Variants in SERF2 observed in about 807,000 individuals in gnomAD.
SERF2 encodes gastric cancer-related protein VRG107.
A neutral mutation model predicts 10.7 loss-of-function variants in SERF2; 4 were observed. The ratio of observed to expected loss-of-function variants is 0.37; its 90% CI spans 0.18 to 0.86. The LOEUF (loss-of-function observed/expected upper bound fraction) is 0.86. Ranked by LOEUF, SERF2 falls within the 40% of genes least tolerant of loss-of-function variation. SERF2 has a pLI of 0.43. For missense variants in SERF2, 47 were observed against 79.1 expected (o/e 0.59, Z 1.54); for synonymous variants, 26 against 26.0 (o/e 1.00, Z 0.01).
rs1274600415 is a variant in SERF2 at position 43,793,816 on chromosome 15, G to A, written c.*43G>A. The A allele has an allele frequency of 1.9e-6, 3 of 1,613,628 alleles. No homozygotes were observed. Among genetic ancestry groups the A allele is most frequent in the Non-Finnish European group, 2.5e-6 (3 of 1,180,048 alleles). On this transcript the variant is annotated 3_prime_UTR_variant, in exon 3 of 3. Coordinates refer to ENST00000249786, the MANE Select transcript of SERF2 (RefSeq NM_001018108.4). The stretch of plus-strand genomic sequence containing the variant: ...CAACCCTCTTGCCCTTCGCCTGTGT[G>A]CCTGGAGCCAGTCCCACCACGCTCG...
At chr15:43,784,823 G>A (rs528093291) in intron 1 of SERF2, among the ~76,000 whole-genome samples, 10 of 151,634 alleles carry the variant, frequency 6.6e-5, no homozygotes, top group South Asian at 2.1e-4. Flanking sequence ...CTGAATCTTG[G>A]CTCACTGCAA....
chr15:43,794,937 C>G lies in SERF2; in HGVS notation c.*1164C>G. Reference sequence around the variant, plus strand: ...CCTTGAGGTATTGAGCTGGGCTGGACAGCTCCCCTTGAGCCAACTCTAGGA... The same window carrying G: ...CCTTGAGGTATTGAGCTGGGCTGGAGAGCTCCCCTTGAGCCAACTCTAGGA... On this transcript the variant is annotated 3_prime_UTR_variant, in exon 3 of 3. Transcript: ENST00000249786. The G allele has an allele frequency of 7.5e-7, 1 of 1,336,444 alleles. No individual in the cohort carries two copies. The highest frequency in any genetic ancestry group is 2.7e-4 in the Middle Eastern group (1 of 3,738). The allele number at this position is 1,336,444 out of a possible 1,614,324, so 82.8% of individuals were successfully genotyped here. A position where few individuals can be genotyped will look rare whatever the true frequency, so the allele number is the denominator to read the frequency against.
At chr15:43,792,220 C>T (rs960634121), upstream of SERF2, 1 of 694,956 alleles carries the variant, frequency 1.4e-6, no homozygotes. Flanking sequence ...CCCGTGGATC[C>T]ACGTGCTTTT....
At chr15:43,778,627 C>T (rs1334140075) in intron 1 of SERF2, among the ~76,000 whole-genome samples, 8 of 118,352 alleles carry the variant, frequency 6.8e-5, no homozygotes, top group South Asian at 3.1e-4. Context: ...AGGCTGGGTG[C>T]GGTAGCTCAT....
At chr15:43,786,842 A>G (rs1469100030) in intron 2 of SERF2, among the ~76,000 whole-genome samples, 2 of 152,132 alleles carry the variant, frequency 1.3e-5, no homozygotes, top group Non-Finnish European at 2.9e-5. Context: ...TTCCTCATTC[A>G]TGTCAACGGG....
At chr15:43,780,216 T>G (rs368957407) in intron 1 of SERF2, among the ~76,000 whole-genome samples, 2 of 152,172 alleles carry the variant, frequency 1.3e-5, no homozygotes, top group African/African-American at 4.8e-5. Context: ...CTTGGCTCAC[T>G]GCAAGCTCTG....
chr15:43,780,797 A>T (rs1042444597), intron 1 of SERF2, among the ~76,000 whole-genome samples: 3 of 152,158 alleles, frequency 2.0e-5, no homozygotes, highest in Admixed American at 2.0e-4. Flanking sequence ...TTCTGTCTTA[A>T]TTAAGCACTT....
chr15:43,782,169 G>C (rs1010225504), intron 1 of SERF2, among the ~76,000 whole-genome samples: 1 of 152,160 alleles, frequency 6.6e-6, no homozygotes, highest in African/African-American at 2.4e-5. Context: ...GATTACAAGC[G>C]TGAGCCACCA....
chr15:43,781,396 A>C (rs2086962751), intron 1 of SERF2, among the ~76,000 whole-genome samples: 1 of 152,022 alleles, frequency 6.6e-6, no homozygotes, highest in African/African-American at 2.4e-5. Flanking sequence ...GTCTACTAAA[A>C]ACACAAAAAT....
chr15:43,785,834 T>A (rs964542017), intron 2 of SERF2, among the ~76,000 whole-genome samples: 4 of 151,224 alleles, frequency 2.6e-5, no homozygotes, highest in Non-Finnish European at 1.5e-5. Context: ...GCCTCCCAAG[T>A]AGCTGGAATT....
intron 1 of SERF2, among the ~76,000 whole-genome samples, chr15:43,784,758 A>ATTTATTTATTT (rs2086992000): frequency 8.2e-6 from 1 of 121,916 alleles, no homozygotes; most frequent in Admixed American, 8.7e-5. Context: ...GCCCGGCCCT[A>ATTTATTTATTT]ATTAATTTTT....
chr15:43,777,186 A>G (rs1253670276), exon 1 of SERF2: 11 of 610,358 alleles, frequency 1.8e-5, no homozygotes, highest in Admixed American at 6.4e-5. Context: ...AGTTCTCGGG[A>G]GAAAGAGTCC....
intron 1 of SERF2, 40 bp from the exon 2 acceptor site, chr15:43,792,935 G>A (rs1178724148): frequency 6.9e-7 from 1 of 1,444,150 alleles, no homozygotes. Context: ...TGTGTGGGCA[G>A]AGCGGCCCCC....
upstream of SERF2, among the ~76,000 whole-genome samples, chr15:43,790,309 C>G (rs1330880888): frequency 1.3e-5 from 2 of 150,596 alleles, no homozygotes; most frequent in South Asian, 4.2e-4. Flanking sequence ...AAGACTGTCT[C>G]AAAAAAAACC....
Position 43,785,138 on chromosome 15 carries a change from G to A in SERF2, c.-526-272G>A, listed in dbSNP as rs574132501. On this transcript the variant is annotated intron_variant, in intron 1 of 4. Transcript: ENST00000381359. ...GGCTGGAGTGCAGTGGAGCAATCTC[G>A]GCTCACTGAAACCTCCATCTCCTAG... Among the ~76,000 whole-genome samples the A allele has an allele frequency of 8.7e-5, 13 of 148,640 alleles. No individual in the cohort carries two copies. In the South Asian group the frequency reaches 1.5e-3, roughly 17 times the overall value.
exon 1 of SERF2, chr15:43,777,449 G>A: frequency 4.9e-6 from 1 of 205,802 alleles, no homozygotes; most frequent in Non-Finnish European, 1.0e-5. Flanking sequence ...GACAGCGCCT[G>A]GGCTTTTTCC....
chr15:43,792,565 G>T (rs2087087557), intron 1 of SERF2, 182 bp downstream of exon 1: 1 of 1,478,036 alleles, frequency 6.8e-7, no homozygotes, highest in Admixed American at 2.3e-5. Context: ...TACTTCACGG[G>T]ACCACCCTCC....
chr15:43,793,597 C>G (rs2087124978), intron 2 of SERF2, 113 bp from the exon 3 acceptor site: 1 of 1,589,482 alleles, frequency 6.3e-7, no homozygotes. Flanking sequence ...AGCAGCCAAA[C>G]GCTGAACTTA....
At chr15:43,779,419 T>C (rs2086948514) in intron 1 of SERF2, among the ~76,000 whole-genome samples, 1 of 152,096 alleles carries the variant, frequency 6.6e-6, no homozygotes, top group Non-Finnish European at 1.5e-5. Flanking sequence ...GAAGCAGAGA[T>C]TCTAAACCTA....
Sources: gnomAD v4.1 joint callset for allele counts (sites outside exome capture counted in the v4.1 genomes callset) on GRCh38, gnomAD v4.1.1 for gene constraint, MANE v1.5 for transcripts, NCBI Gene and HGNC (gene_info 2026-07-23, HGNC 2026-07-21) for gene names.